The following COL28A1 variants were observed in gnomAD, a reference collection of about 807,000 sequenced individuals.
COL28A1 encodes collagen alpha-1(XXVIII) chain.
COL28A1 carries 161 observed loss-of-function variants against 150.2 expected under a neutral mutation model. That is an observed-to-expected ratio of 1.07 (90% CI 0.94 to 1.22). The LOEUF is 1.22. Among genes scored for constraint, COL28A1 ranks in the 50% most tolerant of loss-of-function variants. COL28A1 has a pLI of 0.00. For synonymous variants in COL28A1, 552 were observed against 469.7 expected (o/e 1.18, Z -2.26); for missense variants, 1,617 against 1,388.3 (o/e 1.16, Z -2.62).
At chr7:7,510,266 GCTTT>G (rs1242454999) in intron 9 of COL28A1, among the ~76,000 whole-genome samples, 2 of 151,506 alleles carry the variant, frequency 1.3e-5, no homozygotes, top group African/African-American at 4.9e-5. Context: ...AAATTTAAGT[GCTTT>G]CATTATTGAT....
At chr7:7,503,525 T>A (rs965610566) in intron 11 of COL28A1, among the ~76,000 whole-genome samples, 3 of 152,180 alleles carry the variant, frequency 2.0e-5, no homozygotes, top group African/African-American at 7.2e-5. Context: ...AATAAAATGA[T>A]AATGGATAAA....
intron 27 of COL28A1, among the ~76,000 whole-genome samples, chr7:7,397,287 T>A (rs1782892883): frequency 6.6e-6 from 1 of 152,150 alleles, no homozygotes; most frequent in African/African-American, 2.4e-5. Flanking sequence ...ATCATCACGA[T>A]GCATCTTCCA....
chr7:7,389,975 C>T (rs1243410021), intron 27 of COL28A1, among the ~76,000 whole-genome samples: 20 of 152,072 alleles, frequency 1.3e-4, no homozygotes, highest in Admixed American at 6.6e-5. Context: ...TATTTGAATA[C>T]CCTTTATTTC....
At position 7,437,457 on chromosome 7, in the gene COL28A1, T is replaced by A. The variant is rs770467947; in HGVS notation, c.1728A>T (p.Glu576Asp). ...GLPGPEGPKG[E>D]PGIMGPFGMP... ...TTCCAAAAGGGCCCATAATGCCCGG[T>A]TCACCCTTAAAAAGAGCAAAATGCT... is the stretch of plus-strand genomic sequence containing the variant. Residue 576 changes from glutamate to aspartate, a missense_variant, in exon 22 of 35, where the codon GAA becomes GAT. Transcript: ENST00000399429. The A allele has an allele frequency of 1.2e-6, 2 of 1,613,456 alleles. No homozygotes were observed. Among genetic ancestry groups the A allele is most frequent in the South Asian group, 2.2e-5 (2 of 90,932 alleles).
chr7:7,487,567 G>C (rs1779695479), intron 13 of COL28A1, among the ~76,000 whole-genome samples: 1 of 152,064 alleles, frequency 6.6e-6, no homozygotes, highest in South Asian at 2.1e-4. Flanking sequence ...GACAGAGCAA[G>C]ACTCTCTTAA....
At chr7:7,472,547 T>A (rs529552980) in intron 15 of COL28A1, among the ~76,000 whole-genome samples, 1 of 151,978 alleles carries the variant, frequency 6.6e-6, no homozygotes, top group Non-Finnish European at 1.5e-5. Context: ...TGCAAACACA[T>A]CCCATGCTCA....
intron 27 of COL28A1, among the ~76,000 whole-genome samples, chr7:7,385,977 G>A (rs1782159601): frequency 6.6e-6 from 1 of 152,184 alleles, no homozygotes; most frequent in African/African-American, 2.4e-5. Context: ...CAATGTATAA[G>A]TCTCAGGAAA....
In COL28A1 at chr7:7,358,393, T is replaced by C. The variant is rs550099796; in HGVS notation, c.*240A>G. Reference sequence around the variant, plus strand: ...ACAGCTCTAAGTCTAAATCCTCAGCTCTGAAACTTTTTAGTTGGGTGACAG... The same window carrying C: ...ACAGCTCTAAGTCTAAATCCTCAGCCCTGAAACTTTTTAGTTGGGTGACAG... On this transcript the variant is annotated 3_prime_UTR_variant, in exon 35 of 35. Coordinates refer to ENST00000399429, the MANE Select transcript of COL28A1 (RefSeq NM_001037763.3). 17 of 408,244 alleles carry C rather than the reference T, an allele frequency of 4.2e-5. No homozygotes were observed. In the South Asian group the frequency reaches 5.3e-4, roughly 13 times the overall value. 25.3% of individuals were successfully genotyped at this position (408,244 alleles called of 1,614,324 possible).
intron 2 of COL28A1, among the ~76,000 whole-genome samples, chr7:7,532,512 C>T (rs1306011803): frequency 6.6e-6 from 1 of 151,872 alleles, no homozygotes; most frequent in Non-Finnish European, 1.5e-5. Flanking sequence ...TCCGTCCTGC[C>T]TATTTTACAA....
chr7:7,489,431 C>G lies in COL28A1; in HGVS notation c.1122G>C (p.Pro374=). 2.1e-6 allele frequency: 3 copies of G among 1,460,868 alleles called. No homozygotes were observed. Among genetic ancestry groups the G allele is most frequent in the African/African-American group, 2.8e-5 (2 of 72,026 alleles). The allele number at this position is 1,460,868 out of a possible 1,614,324, so 90.5% of individuals were successfully genotyped here. ...CAACTCCAATGGGTCCTGGAGCTCC[C>G]GGTCTTCCTTCTTGGCCTCTTTCTC... ...IKGERGQEGR[P]GAPGPIGVGE... is the part of the protein sequence containing the mutation. Residue 374 remains proline (P), a synonymous_variant, in exon 13 of 35, where the codon CCG becomes CCC. Coordinates refer to ENST00000399429, the MANE Select transcript of COL28A1 (RefSeq NM_001037763.3).
intron 27 of COL28A1, among the ~76,000 whole-genome samples, chr7:7,385,890 C>T (rs1035952649): frequency 1.1e-4 from 16 of 152,168 alleles, no homozygotes; most frequent in African/African-American, 3.6e-4. Flanking sequence ...TCAGAGTAGA[C>T]TATCTAGCTA....
At chr7:7,534,207 T>C (rs955777199) in intron 1 of COL28A1, among the ~76,000 whole-genome samples, 1 of 152,148 alleles carries the variant, frequency 6.6e-6, no homozygotes, top group Non-Finnish European at 1.5e-5. Flanking sequence ...TTTGGATAGG[T>C]ATGACCAAAC....
chr7:7,393,438 C>T lies in COL28A1; in HGVS notation c.2137-11826G>A, dbSNP rs141820133. Among the ~76,000 whole-genome samples the T allele has an allele frequency of 4.1e-3, 631 of 152,294 alleles. 4 individuals carry two copies. Among genetic ancestry groups the T allele is most frequent in the African/African-American group, 0.014 (596 of 41,554 alleles). On this transcript the variant is annotated intron_variant, in intron 27 of 34. Transcript: ENST00000399429. ...AGTCAGGAGACACAGGGTTCAGGGA[C>T]CCACTTGAGGAGGCAGTCTGACCCT...
intron 23 of COL28A1, among the ~76,000 whole-genome samples, chr7:7,435,984 C>T (rs1194996333): frequency 9.2e-5 from 14 of 152,176 alleles, no homozygotes; most frequent in Non-Finnish European, 1.6e-4. Flanking sequence ...TTGTCTTTCC[C>T]TTTGAAATAA....
intron 30 of COL28A1, among the ~76,000 whole-genome samples, chr7:7,377,308 A>G (rs1781609053): frequency 6.6e-6 from 1 of 152,198 alleles, no homozygotes; most frequent in South Asian, 2.1e-4. Context: ...AAATCACTGA[A>G]TAACTACCTT....
At chr7:7,466,102 G>A (rs1410754481) in intron 15 of COL28A1, among the ~76,000 whole-genome samples, 1 of 136,744 alleles carries the variant, frequency 7.3e-6, no homozygotes, top group Non-Finnish European at 1.6e-5. Flanking sequence ...AAAGCTGGAT[G>A]GAGAATGACT....
intron 18 of COL28A1, among the ~76,000 whole-genome samples, chr7:7,446,049 G>A (rs963753816): frequency 5.9e-5 from 9 of 151,986 alleles, no homozygotes; most frequent in African/African-American, 1.9e-4. Flanking sequence ...GTAGAGACGG[G>A]CTTTCTCCAT....
intron 25 of COL28A1, among the ~76,000 whole-genome samples, chr7:7,427,568 T>C (rs1349006298): frequency 2.0e-5 from 3 of 152,142 alleles, no homozygotes; most frequent in Non-Finnish European, 4.4e-5. Context: ...GGAGTGTACA[T>C]ATGTGAGCCA....
intron 34 of COL28A1, among the ~76,000 whole-genome samples, chr7:7,359,665 T>C (rs1780536993): frequency 6.6e-6 from 1 of 152,162 alleles, no homozygotes; most frequent in African/African-American, 2.4e-5. Flanking sequence ...TATTTTGCAA[T>C]AGCTAAACCA....
Sources: gnomAD v4.1 joint callset for allele counts (sites outside exome capture counted in the v4.1 genomes callset) on GRCh38, gnomAD v4.1.1 for gene constraint, MANE v1.5 for transcripts, NCBI Gene and HGNC (gene_info 2026-07-23, HGNC 2026-07-21) for gene names.